GRM8: variants seen among roughly 807,000 people sequenced by gnomAD.
The protein encoded by GRM8 is glutamate metabotropic receptor 8.
Under a neutral mutation model 87.2 loss-of-function variants are expected in GRM8, and 47 were observed. The ratio of observed to expected loss-of-function variants is 0.54; its 90% CI spans 0.43 to 0.69. The LOEUF (loss-of-function observed/expected upper bound fraction) is 0.69. GRM8 is among the 30% of genes least tolerant of loss of function. GRM8 has a pLI of 0.00. For synonymous variants in GRM8, 396 were observed against 404.5 expected, an observed-to-expected ratio of 0.98 and a Z score of 0.25; for missense variants, 1,019 against 1,139.2, an observed-to-expected ratio of 0.89 and a Z score of 1.52.
At chr7:126,673,504 G>C (rs1164951614) in intron 7 of GRM8, among the ~76,000 whole-genome samples, 1 of 152,176 alleles carries the variant, frequency 6.6e-6, no homozygotes, top group Admixed American at 6.5e-5. Flanking sequence ...ACTGGAGAAA[G>C]AGGAAACATG....
At chr7:126,474,760 A>C (rs1045747051) in intron 9 of GRM8, among the ~76,000 whole-genome samples, 3 of 152,168 alleles carry the variant, frequency 2.0e-5, no homozygotes, top group African/African-American at 7.2e-5. Flanking sequence ...AAATAACAGC[A>C]CATGAAATGT....
chr7:126,552,147 T>C (rs749345046), intron 8 of GRM8, among the ~76,000 whole-genome samples: 42 of 152,278 alleles, frequency 2.8e-4, no homozygotes, highest in Non-Finnish European at 4.9e-4. Flanking sequence ...CGTCCGTTAA[T>C]TTGTCCCCGA....
chr7:126,446,382 GA>G lies in GRM8; in HGVS notation c.2431-11del, dbSNP rs56884588. 1,991 of 1,404,688 alleles carry G rather than the reference GA, an allele frequency of 1.4e-3. No homozygotes were observed. The highest frequency in any genetic ancestry group is 1.6e-3 in the Non-Finnish European group (1,662 of 1,038,764). 87.0% of individuals were successfully genotyped at this position (1,404,688 alleles called of 1,614,324 possible). On this transcript the variant is annotated splice_polypyrimidine_tract_variant and intron_variant, in intron 9 of 10. Coordinates refer to ENST00000339582, the MANE Select transcript of GRM8 (RefSeq NM_000845.3). The stretch of plus-strand genomic sequence containing the variant: ...TTGTCTGGATGTACATCTGAGGGAA[GA>G]AAAAAAAAAGAATCACTGTTGGTAA...
chr7:126,638,810 T>C (rs1366314836), intron 7 of GRM8, among the ~76,000 whole-genome samples: 1 of 152,216 alleles, frequency 6.6e-6, no homozygotes, highest in East Asian at 1.9e-4. Context: ...ACTCATTCTC[T>C]CCCTGAATAT....
At chr7:126,535,477 A>G (rs1815549759) in intron 8 of GRM8, among the ~76,000 whole-genome samples, 2 of 152,212 alleles carry the variant, frequency 1.3e-5, no homozygotes, top group Non-Finnish European at 2.9e-5. Context: ...AGCAGCAATT[A>G]TAGCTCCATG....
chr7:126,464,430 C>T (rs527249218), intron 9 of GRM8, among the ~76,000 whole-genome samples: 1 of 151,530 alleles, frequency 6.6e-6, no homozygotes, highest in Admixed American at 6.6e-5. Context: ...GATTCTGTCA[C>T]TCTGTCTTTT....
chr7:126,978,949 G>A (rs551059321), intron 3 of GRM8, among the ~76,000 whole-genome samples: 6 of 152,248 alleles, frequency 3.9e-5, no homozygotes, highest in Admixed American at 2.6e-4. Context: ...TATACTGGCC[G>A]ACTTTGGGAA....
intron 7 of GRM8, among the ~76,000 whole-genome samples, chr7:126,644,630 G>C (rs1184580674): frequency 2.0e-5 from 3 of 152,162 alleles, no homozygotes; most frequent in African/African-American, 7.2e-5. Context: ...TATATACAGT[G>C]CAAGTATTAT....
At chr7:126,929,105 A>C (rs2254259) in intron 3 of GRM8, among the ~76,000 whole-genome samples, 118,169 of 152,192 alleles carry the variant, frequency 0.78, 46,355 homozygotes, top group East Asian at 0.97. Context: ...GGAACAAGAA[A>C]AAGGAAATTT....
intron 7 of GRM8, among the ~76,000 whole-genome samples, chr7:126,666,054 T>C (rs908261215): frequency 5.3e-5 from 8 of 152,156 alleles, no homozygotes; most frequent in African/African-American, 1.2e-4. Context: ...TTTCTGTAGA[T>C]AGATCAAATA....
intron 9 of GRM8, among the ~76,000 whole-genome samples, chr7:126,530,448 G>A (rs1814612115): frequency 6.6e-6 from 1 of 152,192 alleles, no homozygotes; most frequent in Non-Finnish European, 1.5e-5. Context: ...CACCTTGCTG[G>A]TGCCGGCAGG....
rs1043482110 is a variant in GRM8 at position 126,998,211 on chromosome 7, C to T, written c.728-93528G>A. 4.5e-4 allele frequency among the ~76,000 whole-genome samples: 69 copies of T among 151,902 alleles called. 1 individual carries two copies. The highest frequency in any genetic ancestry group is 1.0e-4 in the Non-Finnish European group (7 of 67,852). ...TGAAAAACCTTTTGCTAAAATTCAACATCTTCTTATGATTAAAACCCTCAA... is the reference window on the plus strand; with the variant it reads ...TGAAAAACCTTTTGCTAAAATTCAATATCTTCTTATGATTAAAACCCTCAA... On this transcript the variant is annotated intron_variant, in intron 3 of 10. Coordinates refer to ENST00000339582, the MANE Select transcript of GRM8 (RefSeq NM_000845.3).
intron 3 of GRM8, among the ~76,000 whole-genome samples, chr7:127,073,812 T>A (rs544590363): frequency 1.3e-5 from 2 of 152,242 alleles, no homozygotes; most frequent in East Asian, 1.9e-4. Context: ...TCAGACATTT[T>A]TATATATATA....
At chr7:127,002,446 A>G (rs1385458313) in intron 3 of GRM8, among the ~76,000 whole-genome samples, 3 of 151,686 alleles carry the variant, frequency 2.0e-5, no homozygotes, top group African/African-American at 4.8e-5. Flanking sequence ...TGCAATGTAC[A>G]TATCCCAGAT....
intron 6 of GRM8, among the ~76,000 whole-genome samples, chr7:126,881,192 A>G (rs568383008): frequency 2.0e-5 from 3 of 152,266 alleles, no homozygotes; most frequent in Admixed American, 2.0e-4. Context: ...TTATTTGCAT[A>G]AATTGTAGAC....
intron 3 of GRM8, among the ~76,000 whole-genome samples, chr7:126,975,080 A>T (rs753297634): frequency 5.3e-5 from 8 of 152,140 alleles, no homozygotes; most frequent in Non-Finnish European, 1.0e-4. Flanking sequence ...AATATAACCC[A>T]ATATCATAAT....
intron 7 of GRM8, among the ~76,000 whole-genome samples, chr7:126,701,416 G>A (rs1224901160): frequency 6.6e-6 from 1 of 152,116 alleles, no homozygotes; most frequent in African/African-American, 2.4e-5. Context: ...GGGCTCAGAC[G>A]CTTCTTATCT....
At chr7:126,967,356 C>T (rs1809980871) in intron 3 of GRM8, among the ~76,000 whole-genome samples, 2 of 152,148 alleles carry the variant, frequency 1.3e-5, no homozygotes, top group South Asian at 4.1e-4. Context: ...CATGTCAATT[C>T]AGAGACACCA....
At chr7:127,227,001 T>A (rs191191691) in intron 2 of GRM8, among the ~76,000 whole-genome samples, 28 of 152,360 alleles carry the variant, frequency 1.8e-4, no homozygotes, top group African/African-American at 4.1e-4. Flanking sequence ...TATAAAAAGC[T>A]GTTTTTATCT....
Sources: allele counts gnomAD v4.1 joint callset (sites outside exome capture counted in the v4.1 genomes callset), GRCh38; gene constraint gnomAD v4.1.1; transcripts MANE v1.5; gene names NCBI Gene and HGNC (gene_info 2026-07-23, HGNC 2026-07-21).